IL22RA1: variants seen among roughly 807,000 people sequenced by gnomAD.
IL22RA1 encodes the protein interleukin 22 receptor subunit alpha 1.
In IL22RA1, 25 loss-of-function variants were observed where a neutral mutation model predicts 32.8. The observed-to-expected ratio is 0.76, with a 90% CI of 0.55 to 1.06. The LOEUF is 1.06. IL22RA1 is among the 50% of genes least tolerant of loss of function. The probability of loss-of-function intolerance (pLI) is 0.00; values close to 1 mark genes in which losing one functional copy is unlikely to be tolerated. For missense variants in IL22RA1, 709 were observed against 727.4 expected (o/e 0.97, Z 0.29); for synonymous variants, 305 against 305.0 (o/e 1.00, Z 0.00).
At chr1:24,139,492 A>C (rs76727075) in intron 1 of IL22RA1, among the ~76,000 whole-genome samples, 67 of 152,288 alleles carry the variant, frequency 4.4e-4, no homozygotes, top group African/African-American at 1.6e-3. Flanking sequence ...CTCTATCTTT[A>C]ACCTTTTGAA....
Position 24,123,347 on chromosome 1 carries a change from C to G in IL22RA1, c.747G>C (p.Leu249=), listed in dbSNP as rs1399547037. Residue 249 remains leucine (L), a synonymous_variant, in exon 6 of 7, where the codon CTG becomes CTC. Transcript: ENST00000270800. ...GCGGCTTGGTGACATATCTGTAGCT[C>G]AGGTAGCAGAGTACTGCGACGAGGA... ...MGFLVAVLCY[L]SYRYVTKPPA... 1 of 1,614,118 alleles carries G rather than the reference C, an allele frequency of 6.2e-7. No homozygotes were observed. The highest frequency in any genetic ancestry group is 1.1e-5 in the South Asian group (1 of 91,070).
intron 1 of IL22RA1, among the ~76,000 whole-genome samples, chr1:24,141,211 G>A (rs1052087992): frequency 1.9e-4 from 29 of 152,246 alleles, no homozygotes; most frequent in African/African-American, 7.0e-4. Flanking sequence ...GCCTTAGGAT[G>A]TAGCTGACAT....
intron 6 of IL22RA1, 55 bp downstream of exon 6, chr1:24,123,247 C>T (rs564930642): frequency 3.2e-5 from 51 of 1,571,076 alleles, no homozygotes; most frequent in Admixed American, 1.1e-4. Context: ...CTGGGGACCT[C>T]GGAGCCCAGG....
At chr1:24,126,590 A>G (rs1017335107) in intron 5 of IL22RA1, among the ~76,000 whole-genome samples, 4 of 152,168 alleles carry the variant, frequency 2.6e-5, no homozygotes, top group African/African-American at 9.7e-5. Context: ...TGCCACACAC[A>G]ATGTCCAGCT....
chr1:24,135,523 T>C (rs1213402037), intron 3 of IL22RA1, among the ~76,000 whole-genome samples: 1 of 152,226 alleles, frequency 6.6e-6, no homozygotes, highest in Admixed American at 6.5e-5. Context: ...GCTTAGCTTG[T>C]GTGGGGAGTT....
chr1:24,122,302 G>A (rs766872466), intron 6 of IL22RA1, among the ~76,000 whole-genome samples: 3 of 152,098 alleles, frequency 2.0e-5, no homozygotes, highest in Admixed American at 6.5e-5. Context: ...TAGCAGAGGC[G>A]GCACTGGCGT....
At chr1:24,137,849 G>T (rs1030298393) in intron 2 of IL22RA1, among the ~76,000 whole-genome samples, 2 of 152,168 alleles carry the variant, frequency 1.3e-5, no homozygotes, top group Non-Finnish European at 2.9e-5. Context: ...AAGAAGATGA[G>T]GCTCAAAGAA....
intron 1 of IL22RA1, among the ~76,000 whole-genome samples, chr1:24,139,255 G>A (rs773028771): frequency 5.3e-5 from 8 of 152,172 alleles, no homozygotes; most frequent in Admixed American, 1.3e-4. Context: ...AGGTTCACAC[G>A]TGTGGTAGCA....
chr1:24,139,495 C>A (rs1463977207), intron 1 of IL22RA1, among the ~76,000 whole-genome samples: 1 of 152,058 alleles, frequency 6.6e-6, no homozygotes, highest in East Asian at 1.9e-4. Flanking sequence ...TATCTTTAAC[C>A]TTTTGAAGAA....
intron 3 of IL22RA1, among the ~76,000 whole-genome samples, chr1:24,135,546 T>G (rs114018845): frequency 1.4e-4 from 21 of 152,332 alleles, no homozygotes; most frequent in Non-Finnish European, 2.8e-4. Context: ...GCAACTATAT[T>G]AGTCCATTCT....
In IL22RA1 at chr1:24,121,605, G is replaced by T. The variant is rs1200309214; in HGVS notation, c.925C>A (p.Pro309Thr). Reference sequence around the variant, plus strand: ...TGTGGAGCTCCTGCGGGCTCCCTGGGTCCAGACACCCTGATCTGGGAGTAC... The same window carrying T: ...TGTGGAGCTCCTGCGGGCTCCCTGGTTCCAGACACCCTGATCTGGGAGTAC... The part of the protein sequence containing the change: ...VQYSQIRVSG[P>T]REPAGAPQRH... The change falls in exon 7 of 7, where the codon CCC becomes ACC. Residue 309 changes from proline to threonine, a missense_variant. Coordinates refer to ENST00000270800, the MANE Select transcript of IL22RA1 (RefSeq NM_021258.4). The T allele has an allele frequency of 6.2e-7, 1 of 1,613,112 alleles. No homozygotes were observed. The highest frequency in any genetic ancestry group is 1.7e-5 in the Admixed American group (1 of 59,960).
At chr1:24,134,715 C>T (rs957801785) in intron 3 of IL22RA1, among the ~76,000 whole-genome samples, 2 of 152,110 alleles carry the variant, frequency 1.3e-5, no homozygotes, top group African/African-American at 4.8e-5. Flanking sequence ...CAGCCTAGAG[C>T]ACCCTTCCTC....
rs745615988 is a variant in IL22RA1, at chr1:24,123,436, A to G, written c.671-13T>C. On this transcript the variant is annotated splice_polypyrimidine_tract_variant and intron_variant, in intron 5 of 6. Coordinates refer to ENST00000270800, the MANE Select transcript of IL22RA1 (RefSeq NM_021258.4). ...GTCCATGTCCGGTCTGGGAAACCAAAGGGGCCAGAGAAGGAAGCGTGAGGC... is the reference window on the plus strand; with the variant it reads ...GTCCATGTCCGGTCTGGGAAACCAAGGGGGCCAGAGAAGGAAGCGTGAGGC... 6.2e-7 allele frequency: 1 copy of G among 1,611,458 alleles called. No homozygotes were observed. Among genetic ancestry groups the G allele is most frequent in the Non-Finnish European group, 8.5e-7 (1 of 1,178,854 alleles).
chr1:24,140,547 C>A (rs1418270674), intron 1 of IL22RA1, among the ~76,000 whole-genome samples: 1 of 152,176 alleles, frequency 6.6e-6, no homozygotes, highest in African/African-American at 2.4e-5. Flanking sequence ...CTCTTCCAGG[C>A]TAGGTCTTTG....
Position 24,123,263 on chromosome 1 carries a change from C to CT in IL22RA1, c.792+38_792+39insA, listed in dbSNP as rs770827730. 3 of 1,601,924 alleles carry CT rather than the reference C, an allele frequency of 1.9e-6. No individual in the cohort carries two copies. In the South Asian group the frequency reaches 3.4e-5, roughly 18 times the overall value. On this transcript the variant is annotated intron_variant, in intron 6 of 6. Transcript: ENST00000270800. ...TGGGGACCTCGGAGCCCAGGCCCTC[C>CT]CCTGGACCTCTCCCTCCCACCCTGG...
intron 4 of IL22RA1, among the ~76,000 whole-genome samples, chr1:24,129,389 C>G (rs1217255219): frequency 6.6e-6 from 1 of 152,238 alleles, no homozygotes; most frequent in African/African-American, 2.4e-5. Flanking sequence ...CTGAATAGTA[C>G]CATGTGAGCA....
chr1:24,134,522 C>T (rs540012076), intron 3 of IL22RA1, 136 bp from the exon 4 acceptor site: 86 of 591,062 alleles, frequency 1.5e-4, no homozygotes, highest in Non-Finnish European at 2.0e-4. Context: ...CTGAAAGCAA[C>T]GGCTAAACAA....
chr1:24,140,622 G>A (rs1224228288), intron 1 of IL22RA1, among the ~76,000 whole-genome samples: 2 of 152,206 alleles, frequency 1.3e-5, no homozygotes, highest in Admixed American at 6.5e-5. Context: ...GGAAGGGGCT[G>A]GGGAGGGGCT....
intron 5 of IL22RA1, among the ~76,000 whole-genome samples, chr1:24,126,377 G>C (rs753451175): frequency 6.6e-6 from 1 of 152,168 alleles, no homozygotes; most frequent in Non-Finnish European, 1.5e-5. Flanking sequence ...CAAACCTGAG[G>C]ACCAGAGTGT....
Sources: gnomAD v4.1 joint callset for allele counts (sites outside exome capture counted in the v4.1 genomes callset) on GRCh38, gnomAD v4.1.1 for gene constraint, MANE v1.5 for transcripts, NCBI Gene and HGNC (gene_info 2026-07-23, HGNC 2026-07-21) for gene names.